UTRN: variants seen among roughly 807,000 people sequenced by gnomAD.
UTRN encodes utrophin.
Under a neutral mutation model 463.9 loss-of-function variants are expected in UTRN, and 283 were observed. The ratio of observed to expected loss-of-function variants is 0.61; its 90% CI spans 0.55 to 0.67. The LOEUF is 0.67. Among genes scored for constraint, UTRN ranks in the 30% least tolerant of loss-of-function variants. The pLI is 0.00. For missense variants in UTRN, 3,922 were observed against 4,084.3 expected, an observed-to-expected ratio of 0.96 and a Z score of 1.08; for synonymous variants, 1,442 against 1,431.5, an observed-to-expected ratio of 1.01 and a Z score of -0.17.
intron 52 of UTRN, among the ~76,000 whole-genome samples, chr6:144,698,482 C>T (rs546604497): frequency 2.0e-5 from 3 of 152,226 alleles, no homozygotes; most frequent in Non-Finnish European, 4.4e-5. Context: ...GAAAGGCAGA[C>T]GTGTGCCTTG....
intron 52 of UTRN, among the ~76,000 whole-genome samples, chr6:144,696,966 A>G (rs1288221613): frequency 6.6e-6 from 1 of 152,184 alleles, no homozygotes; most frequent in Non-Finnish European, 1.5e-5. Context: ...AGTTACTTCC[A>G]TAATTCCTTT....
At chr6:144,587,077 A>C (rs1802536735) in intron 51 of UTRN, among the ~76,000 whole-genome samples, 1 of 152,076 alleles carries the variant, frequency 6.6e-6, no homozygotes, top group African/African-American at 2.4e-5. Context: ...TTTTGTTCTT[A>C]CTTTCTACTG....
intron 71 of UTRN, among the ~76,000 whole-genome samples, chr6:144,837,902 G>T (rs1028085392): frequency 3.3e-5 from 5 of 152,178 alleles, no homozygotes; most frequent in Non-Finnish European, 5.9e-5. Context: ...AGTTTCCCAA[G>T]AGTGACCCAA....
intron 51 of UTRN, among the ~76,000 whole-genome samples, chr6:144,585,789 G>T (rs1237306535): frequency 6.6e-6 from 1 of 151,948 alleles, no homozygotes; most frequent in East Asian, 1.9e-4. Context: ...ATGCTGTCTT[G>T]ACTTTCTCCT....
chr6:144,645,136 T>C (rs1211277605), intron 51 of UTRN, among the ~76,000 whole-genome samples: 1 of 152,210 alleles, frequency 6.6e-6, no homozygotes, highest in Non-Finnish European at 1.5e-5. Flanking sequence ...TGTGGAGAGT[T>C]GGTCCCTCTA....
intron 41 of UTRN, among the ~76,000 whole-genome samples, chr6:144,529,524 A>G (rs1796856116): frequency 6.6e-6 from 1 of 152,086 alleles, no homozygotes; most frequent in Non-Finnish European, 1.5e-5. Context: ...TTGTATTTTC[A>G]AAGTCTTTAG....
intron 34 of UTRN, 84 bp downstream of exon 34, chr6:144,499,511 C>T: frequency 1.7e-6 from 2 of 1,179,330 alleles, no homozygotes; most frequent in Non-Finnish European, 2.3e-6. Context: ...ATACCATGTC[C>T]CTCCATTTTA....
At chr6:144,784,540 C>T (rs1251766291) in intron 61 of UTRN, among the ~76,000 whole-genome samples, 2 of 152,122 alleles carry the variant, frequency 1.3e-5, no homozygotes, top group African/African-American at 4.8e-5. Context: ...CTTTAAAGAC[C>T]CTATCTCCAA....
intron 2 of UTRN, among the ~76,000 whole-genome samples, chr6:144,396,701 C>A (rs1378062542): frequency 6.6e-6 from 1 of 152,058 alleles, no homozygotes; most frequent in Non-Finnish European, 1.5e-5. Flanking sequence ...TTTTATACCT[C>A]CATAAAACAG....
rs113211520 is a variant in UTRN at position 144,408,886 on chromosome 6, T to C, written c.141+5702T>C. ...AGATATTCAGTCTTCTCTTTAGTAC[T>C]GTAAAGAGGCTGACAGGCTTCCTGT... On this transcript the variant is annotated intron_variant, in intron 3 of 74. Coordinates refer to ENST00000367545, the MANE Select transcript of UTRN (RefSeq NM_007124.3). Among the ~76,000 whole-genome samples, 822 of 152,342 alleles carry C rather than the reference T, an allele frequency of 5.4e-3. 6 individuals carry two copies. The highest frequency in any genetic ancestry group is 0.019 in the African/African-American group (783 of 41,584).
At chr6:144,588,487 A>G (rs79634812) in intron 51 of UTRN, among the ~76,000 whole-genome samples, 4,170 of 152,312 alleles carry the variant, frequency 0.027, 200 homozygotes, top group African/African-American at 0.096. Flanking sequence ...CCAAGATATC[A>G]TTATCATTGG....
intron 51 of UTRN, among the ~76,000 whole-genome samples, chr6:144,643,344 G>A (rs1777950833): frequency 6.6e-6 from 1 of 152,182 alleles, no homozygotes; most frequent in African/African-American, 2.4e-5. Context: ...TAAGGAGACT[G>A]TAAGTATCCA....
intron 2 of UTRN, among the ~76,000 whole-genome samples, chr6:144,292,655 A>C (rs1050759914): frequency 1.3e-5 from 2 of 152,248 alleles, no homozygotes; most frequent in African/African-American, 2.4e-5. Flanking sequence ...CAAAGGGGAG[A>C]TATTTTTGAA....
chr6:144,369,020 C>CT (rs1308681953), intron 2 of UTRN, among the ~76,000 whole-genome samples: 2 of 152,108 alleles, frequency 1.3e-5, no homozygotes, highest in African/African-American at 4.8e-5. Context: ...TGTTCATAAA[C>CT]TTTTTTTGGA....
intron 51 of UTRN, among the ~76,000 whole-genome samples, chr6:144,650,682 G>A (rs1053537815): frequency 5.9e-5 from 9 of 152,136 alleles, no homozygotes; most frequent in East Asian, 1.9e-4. Context: ...AGGCCAAGGC[G>A]GGCAGATCAC....
chr6:144,737,528 G>A (rs892140177), intron 54 of UTRN, among the ~76,000 whole-genome samples: 1 of 152,108 alleles, frequency 6.6e-6, no homozygotes, highest in Non-Finnish European at 1.5e-5. Context: ...AGAAGGCATA[G>A]GAATTTATAT....
Position 144,678,501 on chromosome 6 carries a change from G to C in UTRN, c.7575G>C (p.Glu2525Asp). The C allele has an allele frequency of 6.2e-7, 1 of 1,613,246 alleles. No homozygotes were observed. Among genetic ancestry groups the C allele is most frequent in the Non-Finnish European group, 8.5e-7 (1 of 1,179,558 alleles). The change falls in exon 52 of 75, where the codon GAG becomes GAC. Residue 2525 changes from glutamate (E) to aspartate (D), a missense_variant. Coordinates refer to ENST00000367545, the MANE Select transcript of UTRN (RefSeq NM_007124.3). ...TAAAAGCTTTGGGAAATTCTGAAGAGGCTACTATGCTTCAACATCGACTGG... is the reference window on the plus strand; with the variant it reads ...TAAAAGCTTTGGGAAATTCTGAAGACGCTACTATGCTTCAACATCGACTGG... Reference protein sequence around the residue: ...KMVKALGNSEEATMLQHRLDD... With the variant: ...KMVKALGNSEDATMLQHRLDD...
intron 18 of UTRN, among the ~76,000 whole-genome samples, chr6:144,452,819 G>T (rs1426213140): frequency 6.6e-6 from 1 of 151,290 alleles, no homozygotes; most frequent in Non-Finnish European, 1.5e-5. Context: ...GCTTGCACTT[G>T]TAACTCCAAC....
intron 41 of UTRN, among the ~76,000 whole-genome samples, chr6:144,525,022 C>T (rs1796443571): frequency 6.6e-6 from 1 of 152,054 alleles, no homozygotes; most frequent in South Asian, 2.1e-4. Flanking sequence ...TAAACCATCC[C>T]TGCATCCCTA....
Sources: gnomAD v4.1 joint callset for allele counts (sites outside exome capture counted in the v4.1 genomes callset) on GRCh38, gnomAD v4.1.1 for gene constraint, MANE v1.5 for transcripts, NCBI Gene and HGNC (gene_info 2026-07-23, HGNC 2026-07-21) for gene names.